The following USP7 variants were observed in gnomAD, a reference collection of about 807,000 sequenced individuals.
USP7 encodes the protein ubiquitin C-terminal hydrolase 7.
In USP7, 9 loss-of-function variants were observed where a neutral mutation model predicts 162.9. The observed-to-expected ratio is 0.06, with a 90% CI of 0.03 to 0.10. The LOEUF (loss-of-function observed/expected upper bound fraction) is 0.10, where lower values mean the gene tolerates loss of function less well. Ranked by LOEUF, USP7 falls within the 10% of genes least tolerant of loss-of-function variation. The probability of loss-of-function intolerance (pLI) is 1.00; values close to 1 mark genes in which losing one functional copy is unlikely to be tolerated. For synonymous variants in USP7, 562 were observed against 475.9 expected, an observed-to-expected ratio of 1.18 and a Z score of -2.35; for missense variants, 715 against 1,373.7, an observed-to-expected ratio of 0.52 and a Z score of 7.58.
intron 1 of USP7, among the ~76,000 whole-genome samples, chr16:8,961,887 C>T (rs1344281232): frequency 1.3e-5 from 2 of 152,202 alleles, no homozygotes; most frequent in Admixed American, 6.5e-5. Flanking sequence ...TAACCCAGTC[C>T]TTGGCGTGGA....
At chr16:8,900,664 A>C in intron 20 of USP7, 34 bp from the exon 21 acceptor site, 2 of 1,505,876 alleles carry the variant, frequency 1.3e-6, no homozygotes, top group African/African-American at 1.4e-5. Flanking sequence ...TTACACTGCA[A>C]GTTTGTCTAA....
chr16:8,913,073 G>T (rs2061973871), intron 10 of USP7, among the ~76,000 whole-genome samples: 1 of 152,080 alleles, frequency 6.6e-6, no homozygotes, highest in South Asian at 2.1e-4. Context: ...AGCACATGGG[G>T]GGCTGGGCAC....
At chr16:8,962,484 T>C in intron 1 of USP7, 2 of 450,140 alleles carry the variant, frequency 4.4e-6, no homozygotes, top group South Asian at 1.6e-5. Flanking sequence ...ACCTTTCGAG[T>C]CAGGTTTGAT....
At chr16:8,909,927 G>GA (rs1281826589) in intron 11 of USP7, among the ~76,000 whole-genome samples, 2 of 151,500 alleles carry the variant, frequency 1.3e-5, no homozygotes, top group South Asian at 2.1e-4. Context: ...CTCCGTCTCA[G>GA]AAAAAAAAGC....
In USP7 at chr16:8,922,526, G is replaced by A. The variant is rs563193146; in HGVS notation, c.383+689C>T. ...GGATCTGACAGAACAGCCAGAGTCAGTTCACTCTGGGGAACATGTTACTGA... is the reference window on the plus strand; with the variant it reads ...GGATCTGACAGAACAGCCAGAGTCAATTCACTCTGGGGAACATGTTACTGA... On this transcript the variant is annotated intron_variant, in intron 3 of 30. Coordinates refer to ENST00000344836, the MANE Select transcript of USP7 (RefSeq NM_003470.3). 4.6e-5 allele frequency among the ~76,000 whole-genome samples: 7 copies of A among 152,244 alleles called. No homozygotes were observed. The South Asian group carries it at 8.3e-4, about 18-fold the overall frequency.
intron 13 of USP7, 97 bp from the exon 14 acceptor site, chr16:8,905,428 G>A: frequency 2.1e-6 from 3 of 1,453,524 alleles, no homozygotes; most frequent in East Asian, 2.3e-5. Context: ...GAACTTCTAG[G>A]TATGCCCCTA....
chr16:8,897,411 C>T (rs1596349824), intron 25 of USP7, among the ~76,000 whole-genome samples: 1 of 152,166 alleles, frequency 6.6e-6, no homozygotes, highest in East Asian at 1.9e-4. Flanking sequence ...TCCCAACTCT[C>T]AGCACAATGA....
intron 12 of USP7, among the ~76,000 whole-genome samples, chr16:8,908,117 C>CAAA (rs2061889170): frequency 6.6e-6 from 1 of 152,184 alleles, no homozygotes. Context: ...TGGGACTGGG[C>CAAA]AAAGCATCCT....
In USP7 at chr16:8,956,846, G is replaced by A. The variant is rs558092934; in HGVS notation, c.79+6361C>T. Among the ~76,000 whole-genome samples, 249 of 151,148 alleles carry A rather than the reference G, an allele frequency of 1.6e-3. 4 individuals are homozygous for A. Among genetic ancestry groups the A allele is most frequent in the African/African-American group, 5.7e-3 (236 of 41,208 alleles). ...AGGATAGTAAGAGCCCAGCCCCCCC[G>A]CAGGCAGTGCCCCATTATCCACGAG... On this transcript the variant is annotated intron_variant, in intron 1 of 30. Coordinates refer to ENST00000344836, the MANE Select transcript of USP7 (RefSeq NM_003470.3).
At chr16:8,924,921 T>C (rs1489233389) in intron 2 of USP7, among the ~76,000 whole-genome samples, 1 of 152,270 alleles carries the variant, frequency 6.6e-6, no homozygotes, top group East Asian at 1.9e-4. Context: ...GAGGCGCATC[T>C]TGTCCAAAAT....
chr16:8,928,788 G>T (rs185943756), intron 2 of USP7, among the ~76,000 whole-genome samples: 1 of 152,154 alleles, frequency 6.6e-6, no homozygotes, highest in Non-Finnish European at 1.5e-5. Flanking sequence ...CTATGGCGTG[G>T]CACCACTGTC....
chr16:8,949,151 G>T (rs1237800682), intron 1 of USP7, among the ~76,000 whole-genome samples: 1 of 152,140 alleles, frequency 6.6e-6, no homozygotes, highest in Admixed American at 6.5e-5. Context: ...GGTGAATTGT[G>T]GTATGTGAAT....
chr16:8,898,325 TA>T, intron 25 of USP7, 34 bp downstream of exon 25: 1 of 1,511,392 alleles, frequency 6.6e-7, no homozygotes, highest in Non-Finnish European at 9.1e-7. Flanking sequence ...CAAGTTCCAA[TA>T]AAAATTAAAA....
chr16:8,916,969 T>TTA (rs1555465211), intron 7 of USP7, 57 bp downstream of exon 7: 59 of 1,295,450 alleles, frequency 4.6e-5, no homozygotes, highest in Admixed American at 1.3e-4. Flanking sequence ...TCACTTGTCC[T>TTA]AAAAAAAAAA....
chr16:8,894,705 C>CA lies in USP7; in HGVS notation c.3112-66dup, dbSNP rs2061655376. The CA allele has an allele frequency of 1.6e-5, 25 of 1,611,276 alleles. No homozygotes were observed. In the South Asian group the frequency reaches 2.5e-4, roughly 16 times the overall value. On this transcript the variant is annotated intron_variant, in intron 29 of 30. Transcript: ENST00000344836. ...ATATCAGCAAAACTCACATCTCTGG[C>CA]AAAAAAGCCTAGGCCGCTACGCTAG...
At chr16:8,907,102 G>A (rs893526983) in intron 12 of USP7, among the ~76,000 whole-genome samples, 3 of 152,194 alleles carry the variant, frequency 2.0e-5, no homozygotes, top group South Asian at 2.1e-4. Flanking sequence ...CCCGGCCTGC[G>A]AAGCAGCCAC....
chr16:8,914,730 C>G (rs1165866169), intron 10 of USP7, among the ~76,000 whole-genome samples: 6 of 151,664 alleles, frequency 4.0e-5, no homozygotes, highest in Middle Eastern at 3.4e-3. Flanking sequence ...CCAGCCTGAG[C>G]AACAAAGTAA....
chr16:8,917,265 A>C (rs1048501538), intron 6 of USP7, 109 bp from the exon 7 acceptor site: 6 of 1,318,966 alleles, frequency 4.5e-6, no homozygotes, highest in Non-Finnish European at 6.0e-6. Flanking sequence ...TAATAACACA[A>C]TGGCTAAGGT....
At position 8,919,713 on chromosome 16, in the gene USP7, G is replaced by C. The variant is rs964023972; in HGVS notation, c.612-574C>G. ...CCCCAAGTAGTAAAAGGAAGCCACA[G>C]AGAACGGTGCCAGAAAGCAAAGCAA... On this transcript the variant is annotated intron_variant, in intron 5 of 30. Coordinates refer to ENST00000344836, the MANE Select transcript of USP7 (RefSeq NM_003470.3). Among the ~76,000 whole-genome samples the C allele has an allele frequency of 1.7e-4, 23 of 135,526 alleles. 1 individual carries two copies. The highest frequency in any genetic ancestry group is 6.0e-4 in the African/African-American group (22 of 36,560). 88.9% of individuals were successfully genotyped at this position (135,526 alleles called of 152,430 possible).
Sources: allele counts gnomAD v4.1 joint callset (sites outside exome capture counted in the v4.1 genomes callset), GRCh38; gene constraint gnomAD v4.1.1; transcripts MANE v1.5; gene names NCBI Gene and HGNC (gene_info 2026-07-23, HGNC 2026-07-21).